The following KANSL1 variants were observed in gnomAD, a reference collection of about 807,000 sequenced individuals.
KANSL1 encodes KAT8 regulatory NSL complex subunit 1.
Under a neutral mutation model 103.6 loss-of-function variants are expected in KANSL1, and 22 were observed. That is an observed-to-expected ratio of 0.21 (90% CI 0.15 to 0.30). KANSL1 has a LOEUF of 0.30. KANSL1 is among the 10% of genes least tolerant of loss of function. The pLI, the probability that KANSL1 is intolerant of heterozygous loss-of-function variation, is 1.00. For missense variants in KANSL1, 1,337 were observed against 1,399.8 expected (o/e 0.96, Z 0.72); for synonymous variants, 600 against 527.6 (o/e 1.14, Z -1.88).
Position 46,180,258 on chromosome 17 carries a change from G to C in KANSL1, c.-89-8026C>G, listed in dbSNP as rs2147821975. 2.0e-5 allele frequency among the ~76,000 whole-genome samples: 3 copies of C among 152,234 alleles called. No homozygotes were observed. The South Asian group carries it at 6.2e-4, about 32-fold the overall frequency. On this transcript the variant is annotated intron_variant, in intron 1 of 14. Transcript: ENST00000432791. ...CGCCTGCAATCCCCGCACTTTGGGA[G>C]GCTGAGGCGGGTGGATCACCTGAGG...
At chr17:46,147,586 AAAAAAAAAAAG>A (rs2147443569) in intron 2 of KANSL1, among the ~76,000 whole-genome samples, 2 of 113,502 alleles carry the variant, frequency 1.8e-5, no homozygotes, top group African/African-American at 5.4e-5. Flanking sequence ...AAAAAAAAAA[AAAAAAAAAAAG>A]AGAGCGAGAG....
At chr17:46,059,184 T>G (rs933977780) in intron 6 of KANSL1, among the ~76,000 whole-genome samples, 3 of 151,892 alleles carry the variant, frequency 2.0e-5, no homozygotes, top group African/African-American at 7.3e-5. Context: ...CATGACACAC[T>G]TCCAAGTACC....
At position 46,050,679 on chromosome 17, in the gene KANSL1, G is replaced by A; in HGVS notation, c.1874C>T (p.Pro625Leu). Residue 625 changes from proline (P) to leucine (L), a missense_variant, in exon 7 of 15, where the codon CCT (proline) becomes CTT (leucine). By Grantham distance (98) the Pro-to-Leu change is moderately conservative. Coordinates refer to ENST00000432791, the MANE Select transcript of KANSL1 (RefSeq NM_015443.4). ...GCAGGAGGGATTCACATCACAGCCAGGGCGGATTGTGCTGTTCCGGTGAAC... is the reference window on the plus strand; with the variant it reads ...GCAGGAGGGATTCACATCACAGCCAAGGCGGATTGTGCTGTTCCGGTGAAC... ...KKVHRNSTIRPGCDVNPSCAL... is the reference protein window; with the variant it reads ...KKVHRNSTIRLGCDVNPSCAL... 2.5e-6 allele frequency: 4 copies of A among 1,614,024 alleles called. No homozygotes were observed. The highest frequency in any genetic ancestry group is 3.4e-6 in the Non-Finnish European group (4 of 1,179,922).
intron 1 of KANSL1, among the ~76,000 whole-genome samples, chr17:46,180,759 G>A (rs1023995123): frequency 3.3e-5 from 5 of 152,208 alleles, no homozygotes; most frequent in African/African-American, 1.2e-4. Context: ...CAGCACTCTG[G>A]GAGGCCAAGG....
At chr17:46,127,813 G>A (rs1233810867) in intron 2 of KANSL1, among the ~76,000 whole-genome samples, 1 of 151,950 alleles carries the variant, frequency 6.6e-6, no homozygotes, top group Non-Finnish European at 1.5e-5. Context: ...TGACTGAATA[G>A]AACACAATTC....
intron 2 of KANSL1, among the ~76,000 whole-genome samples, chr17:46,145,854 G>A (rs1170536909): frequency 3.9e-5 from 6 of 152,234 alleles, no homozygotes; most frequent in South Asian, 4.2e-4. Flanking sequence ...TCAGCCTCCC[G>A]AGTAGCTGGG....
At chr17:46,161,741 A>G (rs902605318) in intron 2 of KANSL1, among the ~76,000 whole-genome samples, 5 of 152,208 alleles carry the variant, frequency 3.3e-5, no homozygotes, top group Non-Finnish European at 5.9e-5. Context: ...ACCTCTCTCT[A>G]GTTGCCATTC....
intron 2 of KANSL1, among the ~76,000 whole-genome samples, chr17:46,155,026 T>C (rs1351886224): frequency 1.3e-5 from 2 of 152,180 alleles, no homozygotes; most frequent in Non-Finnish European, 2.9e-5. Flanking sequence ...AATTAAAATA[T>C]GCTATAAAAT....
intron 2 of KANSL1, among the ~76,000 whole-genome samples, chr17:46,147,318 A>G (rs2044764432): frequency 6.6e-6 from 1 of 152,242 alleles, no homozygotes. Flanking sequence ...TCATGCCTGT[A>G]AACCCAGCAC....
At chr17:46,107,548 G>T (rs1173299020) in intron 2 of KANSL1, among the ~76,000 whole-genome samples, 8 of 152,100 alleles carry the variant, frequency 5.3e-5, no homozygotes, top group Non-Finnish European at 1.5e-5. Flanking sequence ...TTCCTTGTAA[G>T]ACTGCATATG....
At chr17:46,170,252 CT>C (rs66556131) in intron 2 of KANSL1, 13,887 of 143,226 alleles carry the variant, frequency 0.097, 99 homozygotes, top group Middle Eastern at 0.14. Flanking sequence ...TTAAAATGGG[CT>C]TTTTTTTTTT....
intron 6 of KANSL1, among the ~76,000 whole-genome samples, chr17:46,062,499 C>T (rs898624174): frequency 6.6e-6 from 1 of 151,000 alleles, no homozygotes; most frequent in East Asian, 2.0e-4. Context: ...GCTGGGATTA[C>T]AGGCACGTGC....
chr17:46,210,390 T>C (rs1236499800), intron 1 of KANSL1, among the ~76,000 whole-genome samples: 1 of 148,780 alleles, frequency 6.7e-6, no homozygotes, highest in African/African-American at 2.5e-5. Flanking sequence ...GGAGAAACGC[T>C]TGAACCCGGG....
Position 46,033,440 on chromosome 17 carries a change from T to C in KANSL1, c.2687A>G (p.Gln896Arg), listed in dbSNP as rs774020325. 3.1e-6 allele frequency: 5 copies of C among 1,614,176 alleles called. No individual in the cohort carries two copies. The Admixed American group carries it at 8.3e-5, about 27-fold the overall frequency. ...CTCATCAGGACTCCCCTTCAGAGAC[T>C]GAAGATCAACCTCCCGCCAGCTGCA... ...LTPSWREVDL[Q>R]SLKGSPDEEN... The change falls in exon 12 of 15, where the codon CAG (glutamine) becomes CGG (arginine). Residue 896 changes from glutamine to arginine, a missense_variant. By Grantham distance (43) the Gln-to-Arg change is conservative. Transcript: ENST00000432791.
intron 6 of KANSL1, among the ~76,000 whole-genome samples, chr17:46,064,929 C>A (rs952103264): frequency 1.3e-5 from 2 of 151,570 alleles, no homozygotes; most frequent in African/African-American, 4.8e-5. Context: ...ATGTGCACAA[C>A]GTGCAGGTTA....
chr17:46,174,838 T>C (rs2046445150), intron 1 of KANSL1, among the ~76,000 whole-genome samples: 1 of 152,248 alleles, frequency 6.6e-6, no homozygotes, highest in African/African-American at 2.4e-5. Flanking sequence ...CATGCCCGGC[T>C]AATTTTTTGA....
intron 1 of KANSL1, among the ~76,000 whole-genome samples, chr17:46,203,084 T>C (rs902986573): frequency 1.3e-5 from 2 of 152,206 alleles, no homozygotes; most frequent in African/African-American, 4.8e-5. Context: ...TACAAAAAAT[T>C]AGCCAGGCGT....
intron 2 of KANSL1, 149 bp downstream of exon 2, chr17:46,170,706 T>C (rs2046238186): frequency 7.1e-6 from 6 of 849,108 alleles, no homozygotes; most frequent in Non-Finnish European, 9.2e-6. Flanking sequence ...AGCATGTATA[T>C]GCACTCATCT....
At chr17:46,135,542 A>ATTTTT (rs34258265) in intron 2 of KANSL1, among the ~76,000 whole-genome samples, 16 of 119,050 alleles carry the variant, frequency 1.3e-4, no homozygotes, top group African/African-American at 3.8e-4. Flanking sequence ...TCAACTATAC[A>ATTTTT]TTTTTTTTTT....
Sources: gnomAD v4.1 joint callset for allele counts (sites outside exome capture counted in the v4.1 genomes callset) on GRCh38, gnomAD v4.1.1 for gene constraint, MANE v1.5 for transcripts, NCBI Gene and HGNC (gene_info 2026-07-23, HGNC 2026-07-21) for gene names.